Variants in ULK4 observed in about 807,000 individuals in gnomAD.
The protein encoded by ULK4 is unc-51 like kinase 4.
In ULK4, 133 loss-of-function variants were observed where a neutral mutation model predicts 160.6. The observed-to-expected ratio is 0.83, with a 90% CI of 0.72 to 0.96. ULK4 has a LOEUF of 0.96. Ranked by LOEUF, ULK4 falls within the 40% of genes least tolerant of loss-of-function variation. The pLI, the probability that ULK4 is intolerant of heterozygous loss-of-function variation, is 0.00. For missense variants in ULK4, 1,580 were observed against 1,499.5 expected (o/e 1.05, Z -0.89); for synonymous variants, 534 against 539.8 (o/e 0.99, Z 0.15).
rs147475373 is a variant in ULK4 at position 41,653,479 on chromosome 3, C to T, written c.3071+10128G>A. ...CTATTTTTTCAATGGCAATTGTCTC[C>T]TGATCTACTGGCCTCACCATACCTG... On this transcript the variant is annotated intron_variant, in intron 30 of 36. Transcript: ENST00000301831. 1.4e-4 allele frequency among the ~76,000 whole-genome samples: 21 copies of T among 152,302 alleles called. No homozygotes were observed. The East Asian group carries it at 3.9e-3, about 28-fold the overall frequency.
chr3:41,949,485 C>T (rs771124105), intron 2 of ULK4, among the ~76,000 whole-genome samples: 104 of 146,014 alleles, frequency 7.1e-4, no homozygotes, highest in Non-Finnish European at 2.7e-4. Flanking sequence ...CAGGCTGGAG[C>T]GCAATTACAC....
At chr3:41,895,119 G>C (rs1159574931) in intron 16 of ULK4, among the ~76,000 whole-genome samples, 1 of 152,128 alleles carries the variant, frequency 6.6e-6, no homozygotes, top group Non-Finnish European at 1.5e-5. Context: ...ACTCAAAACA[G>C]TAACAGTTAG....
At chr3:41,717,463 T>A (rs1471488767) in intron 23 of ULK4, among the ~76,000 whole-genome samples, 1 of 152,204 alleles carries the variant, frequency 6.6e-6, no homozygotes, top group Non-Finnish European at 1.5e-5. Flanking sequence ...CGCTTTTCTT[T>A]TGTATATTTT....
intron 17 of ULK4, among the ~76,000 whole-genome samples, chr3:41,853,449 A>G (rs1385881942): frequency 6.6e-6 from 1 of 152,248 alleles, no homozygotes; most frequent in Non-Finnish European, 1.5e-5. Flanking sequence ...AGACTGACAG[A>G]ACAGACTCCT....
At chr3:41,669,809 G>T in intron 29 of ULK4, among the ~76,000 whole-genome samples, 1 of 150,856 alleles carries the variant, frequency 6.6e-6, no homozygotes, top group African/African-American at 2.5e-5. Context: ...TATAAATGTA[G>T]ATATAGTCAC....
At chr3:41,527,460 A>G (rs1427908931) in intron 32 of ULK4, among the ~76,000 whole-genome samples, 1 of 152,248 alleles carries the variant, frequency 6.6e-6, no homozygotes, top group Non-Finnish European at 1.5e-5. Context: ...GAGTGGGTAT[A>G]CTATTATTAT....
intron 7 of ULK4, among the ~76,000 whole-genome samples, chr3:41,917,880 G>A (rs991340077): frequency 3.9e-5 from 6 of 152,142 alleles, no homozygotes; most frequent in Admixed American, 1.3e-4. Flanking sequence ...CCAGCTACTC[G>A]GGAGGCTGAG....
intron 17 of ULK4, among the ~76,000 whole-genome samples, chr3:41,850,742 C>T (rs1055073131): frequency 6.6e-6 from 1 of 152,114 alleles, no homozygotes; most frequent in African/African-American, 2.4e-5. Context: ...CAAAAATTTT[C>T]TCCCATTCTG....
chr3:41,875,393 G>T (rs1697261614), intron 17 of ULK4, among the ~76,000 whole-genome samples: 1 of 152,184 alleles, frequency 6.6e-6, no homozygotes, highest in Middle Eastern at 3.4e-3. Flanking sequence ...ATTCAATAAA[G>T]CTTGGCTAAA....
intron 35 of ULK4, among the ~76,000 whole-genome samples, chr3:41,380,970 G>A (rs2081637138): frequency 6.6e-6 from 1 of 152,034 alleles, no homozygotes; most frequent in Admixed American, 6.6e-5. Flanking sequence ...AGGCTCCTTG[G>A]TTCTCACTGC....
intron 35 of ULK4, among the ~76,000 whole-genome samples, chr3:41,396,758 C>A (rs181789557): frequency 6.6e-6 from 1 of 152,220 alleles, no homozygotes; most frequent in Non-Finnish European, 1.5e-5. Context: ...ATCTCCAAGA[C>A]CTACTGTCCT....
chr3:41,598,933 C>T (rs2031874936), intron 31 of ULK4, among the ~76,000 whole-genome samples: 2 of 152,256 alleles, frequency 1.3e-5, no homozygotes, highest in Admixed American at 1.3e-4. Flanking sequence ...GTCCACTGGG[C>T]TGCACTCCTT....
intron 17 of ULK4, among the ~76,000 whole-genome samples, chr3:41,845,359 A>T (rs2042045517): frequency 6.6e-6 from 1 of 152,230 alleles, no homozygotes; most frequent in South Asian, 2.1e-4. Context: ...CAAACAACTG[A>T]TACATCCAAC....
chr3:41,651,953 G>A (rs1048478098), intron 30 of ULK4, among the ~76,000 whole-genome samples: 5 of 152,046 alleles, frequency 3.3e-5, no homozygotes, highest in Non-Finnish European at 5.9e-5. Flanking sequence ...ACCCCTCCTT[G>A]AGAAAAGCTA....
chr3:41,421,614 A>G (rs556201914), intron 34 of ULK4, among the ~76,000 whole-genome samples: 1 of 152,328 alleles, frequency 6.6e-6, no homozygotes, highest in South Asian at 2.1e-4. Flanking sequence ...TTCCAGAATC[A>G]AATATTATTT....
intron 31 of ULK4, among the ~76,000 whole-genome samples, chr3:41,599,401 GC>G (rs1300284057): frequency 3.9e-5 from 6 of 152,044 alleles, no homozygotes; most frequent in African/African-American, 1.4e-4. Context: ...ATTCCCCCTT[GC>G]CATGTAACCT....
chr3:41,377,083 T>C (rs958247398), intron 35 of ULK4, among the ~76,000 whole-genome samples: 11 of 151,980 alleles, frequency 7.2e-5, no homozygotes, highest in African/African-American at 2.4e-4. Flanking sequence ...TATCTACAAC[T>C]ATCTGATCTT....
intron 35 of ULK4, among the ~76,000 whole-genome samples, chr3:41,312,793 G>A (rs2080076656): frequency 6.6e-6 from 1 of 152,118 alleles, no homozygotes; most frequent in African/African-American, 2.4e-5. Context: ...GGGCAACAGA[G>A]TGAGACCCTG....
intron 22 of ULK4, among the ~76,000 whole-genome samples, chr3:41,746,904 T>TA (rs2038439840): frequency 6.6e-6 from 1 of 151,900 alleles, no homozygotes; most frequent in Non-Finnish European, 1.5e-5. Context: ...GCAGGAAAGA[T>TA]AGACTTTTCA....
Sources: allele counts gnomAD v4.1 joint callset (sites outside exome capture counted in the v4.1 genomes callset), GRCh38; gene constraint gnomAD v4.1.1; transcripts MANE v1.5; gene names NCBI Gene and HGNC (gene_info 2026-07-23, HGNC 2026-07-21).